NEDD4: variants seen among roughly 807,000 people sequenced by gnomAD.
NEDD4 encodes NEDD4 E3 ubiquitin protein ligase.
In NEDD4, 99 loss-of-function variants were observed where a neutral mutation model predicts 144.9. That is an observed-to-expected ratio of 0.68 (90% CI 0.58 to 0.81). The LOEUF (loss-of-function observed/expected upper bound fraction) is 0.81. Ranked by LOEUF, NEDD4 falls within the 30% of genes least tolerant of loss-of-function variation. The pLI, the probability that NEDD4 is intolerant of heterozygous loss-of-function variation, is 0.00. For synonymous variants in NEDD4, 318 were observed against 350.6 expected, an observed-to-expected ratio of 0.91 and a Z score of 1.04; for missense variants, 985 against 1,065.9, an observed-to-expected ratio of 0.92 and a Z score of 1.06.
intron 1 of NEDD4, among the ~76,000 whole-genome samples, chr15:55,976,125 C>A (rs1432854961): frequency 6.6e-6 from 1 of 152,076 alleles, no homozygotes; most frequent in Non-Finnish European, 1.5e-5. Context: ...ATACAAAAAT[C>A]AAATCAAAAC....
intron 4 of NEDD4, among the ~76,000 whole-genome samples, chr15:55,949,803 G>T (rs1330688116): frequency 6.6e-6 from 1 of 152,116 alleles, no homozygotes; most frequent in African/African-American, 2.4e-5. Flanking sequence ...GCCTGTCATG[G>T]GGTGGGGGAA....
intron 5 of NEDD4, chr15:55,916,583 C>G (rs776230389): frequency 5.6e-6 from 9 of 1,613,932 alleles, no homozygotes; most frequent in Middle Eastern, 1.6e-4. Flanking sequence ...GACAGCTGCT[C>G]TTTTTATTAA....
intron 1 of NEDD4, among the ~76,000 whole-genome samples, chr15:55,978,156 C>G (rs956002367): frequency 6.6e-6 from 1 of 152,100 alleles, no homozygotes; most frequent in South Asian, 2.1e-4. Flanking sequence ...GAAACACTCC[C>G]CAGCCTCCTG....
chr15:55,837,742 G>A, intron 24 of NEDD4, 47 bp downstream of exon 24: 2 of 1,417,444 alleles, frequency 1.4e-6, no homozygotes, highest in East Asian at 2.3e-5. Flanking sequence ...GAAACTTATA[G>A]GTTATACTGT....
chr15:55,882,683 G>A (rs2142095052), intron 5 of NEDD4, among the ~76,000 whole-genome samples: 1 of 152,334 alleles, frequency 6.6e-6, no homozygotes, highest in South Asian at 2.1e-4. Context: ...GATCTAGTGA[G>A]ACACCAGTTG....
chr15:55,911,258 G>A (rs1425568014), intron 5 of NEDD4, among the ~76,000 whole-genome samples: 1 of 152,112 alleles, frequency 6.6e-6, no homozygotes, highest in Non-Finnish European at 1.5e-5. Context: ...GGCCAGGGAT[G>A]CTGTTAAATA....
intron 5 of NEDD4, among the ~76,000 whole-genome samples, chr15:55,906,281 G>A (rs1346297081): frequency 6.6e-6 from 1 of 152,010 alleles, no homozygotes; most frequent in African/African-American, 2.4e-5. Context: ...CCCATTACTG[G>A]GTATATACCC....
chr15:55,993,515 T>C lies in NEDD4; in HGVS notation c.41A>G (p.Asp14Gly). Residue 14 changes from aspartate to glycine, a missense_variant, in exon 1 of 29, where the codon GAC (aspartate) becomes GGC (glycine). Physicochemically the swap from Asp to Gly is moderately conservative, Grantham distance 94. Transcript: ENST00000435532. ...GCAGCCCCGCGGTCCCCGCACCTCG[T>C]CCTCCAGGAGCCCGAACACCTCCAC... is the stretch of plus-strand genomic sequence containing the variant. ...CAVEVFGLLE[D>G]EENSRIVRVR... 6.3e-7 allele frequency: 1 copy of C among 1,598,276 alleles called. No homozygotes were observed. Among genetic ancestry groups the C allele is most frequent in the Non-Finnish European group, 8.5e-7 (1 of 1,174,476 alleles).
chr15:55,888,751 C>T (rs1328930893), intron 5 of NEDD4, among the ~76,000 whole-genome samples: 1 of 152,132 alleles, frequency 6.6e-6, no homozygotes, highest in Non-Finnish European at 1.5e-5. Context: ...GGTATAAAAA[C>T]AGACAGACCA....
At chr15:55,930,715 C>T (rs1254879163) in intron 4 of NEDD4, among the ~76,000 whole-genome samples, 1 of 152,090 alleles carries the variant, frequency 6.6e-6, no homozygotes, top group South Asian at 2.1e-4. Flanking sequence ...GGGGTAGTTT[C>T]CCCCATACTG....
In NEDD4 at chr15:55,842,098, C is replaced by T; in HGVS notation, c.1674G>A (p.Arg558=). The T allele has an allele frequency of 6.2e-7, 1 of 1,614,130 alleles. No homozygotes were observed. Among genetic ancestry groups the T allele is most frequent in the Non-Finnish European group, 8.5e-7 (1 of 1,180,032 alleles). Residue 558 remains arginine, a synonymous_variant, in exon 19 of 29, where the codon CGG becomes CGA. Transcript: ENST00000435532. ...RRATVLEDSY[R]RIMGVKRADF... is the part of the protein sequence containing the mutation. ...CTGCTCTCTTGACACCCATAATTCTCCGGTAAGAGTCTTCAAGAACAGTTG... is the reference window on the plus strand; with the variant it reads ...CTGCTCTCTTGACACCCATAATTCTTCGGTAAGAGTCTTCAAGAACAGTTG...
chr15:55,877,745 T>C (rs780410040), intron 5 of NEDD4, among the ~76,000 whole-genome samples: 1 of 152,120 alleles, frequency 6.6e-6, no homozygotes, highest in African/African-American at 2.4e-5. Context: ...AGCAAAGAAT[T>C]TTCCCCTTCC....
chr15:55,950,486 A>C (rs558720043), intron 4 of NEDD4, among the ~76,000 whole-genome samples: 1 of 152,344 alleles, frequency 6.6e-6, no homozygotes, highest in African/African-American at 2.4e-5. Flanking sequence ...ATGGTACCAC[A>C]GAAGCCTCCA....
intron 5 of NEDD4, among the ~76,000 whole-genome samples, chr15:55,891,353 T>C (rs1423124442): frequency 6.6e-6 from 1 of 152,198 alleles, no homozygotes; most frequent in East Asian, 1.9e-4. Flanking sequence ...GTCTGGGACA[T>C]ATGGTTGCTA....
intron 5 of NEDD4, among the ~76,000 whole-genome samples, chr15:55,883,609 C>G (rs906711775): frequency 2.3e-4 from 35 of 151,874 alleles, no homozygotes; most frequent in Non-Finnish European, 1.5e-5. Flanking sequence ...TAGGTTTGAC[C>G]CAGTGCATTC....
At chr15:55,863,684 C>CT (rs534432640) in intron 8 of NEDD4, among the ~76,000 whole-genome samples, 7 of 152,150 alleles carry the variant, frequency 4.6e-5, no homozygotes, top group Non-Finnish European at 1.0e-4. Flanking sequence ...GTTTAAACTA[C>CT]TAGTGTAATC....
intron 1 of NEDD4, among the ~76,000 whole-genome samples, chr15:55,983,027 G>A (rs527811197): frequency 2.3e-4 from 35 of 152,044 alleles, no homozygotes; most frequent in South Asian, 2.3e-3. Flanking sequence ...GAGGCTGAGG[G>A]AGGAGAATCA....
intron 1 of NEDD4, among the ~76,000 whole-genome samples, chr15:55,968,239 T>A (rs2037549670): frequency 6.6e-6 from 1 of 152,076 alleles, no homozygotes; most frequent in Admixed American, 6.6e-5. Flanking sequence ...TCAATCACTA[T>A]CTTATACTAA....
chr15:55,904,407 A>G (rs1385821095), intron 5 of NEDD4, among the ~76,000 whole-genome samples: 1 of 151,992 alleles, frequency 6.6e-6, no homozygotes, highest in Non-Finnish European at 1.5e-5. Context: ...GGTTAAAGAC[A>G]TTCTCCTGTC....
Sources: allele counts gnomAD v4.1 joint callset (sites outside exome capture counted in the v4.1 genomes callset), GRCh38; gene constraint gnomAD v4.1.1; transcripts MANE v1.5; gene names NCBI Gene and HGNC (gene_info 2026-07-23, HGNC 2026-07-21).